Variants in SGPP2 observed in about 807,000 individuals in gnomAD.
SGPP2 encodes the protein sphingosine-1-phosphate phosphatase 2.
In SGPP2, 30 loss-of-function variants were observed where a neutral mutation model predicts 33.9. That is an observed-to-expected ratio of 0.89 (90% CI 0.66 to 1.20). The LOEUF (loss-of-function observed/expected upper bound fraction) is 1.20, where lower values mean the gene tolerates loss of function less well. SGPP2 is among the 50% of genes most tolerant of loss of function. The pLI, the probability that SGPP2 is intolerant of heterozygous loss-of-function variation, is 0.00. For missense variants in SGPP2, 458 were observed against 532.1 expected (o/e 0.86, Z 1.37); for synonymous variants, 233 against 225.0 (o/e 1.04, Z -0.32).
At chr2:222,428,390 CA>C (rs993623293) in intron 1 of SGPP2, among the ~76,000 whole-genome samples, 19 of 152,184 alleles carry the variant, frequency 1.2e-4, no homozygotes, top group African/African-American at 4.6e-4. Context: ...TGATTTCTAA[CA>C]TTTTTGCTTA....
chr2:222,524,917 C>T (rs1698734716), intron 3 of SGPP2, 27 bp from the exon 4 acceptor site: 1 of 1,568,308 alleles, frequency 6.4e-7, no homozygotes, highest in Non-Finnish European at 8.8e-7. Context: ...TGATCTAATT[C>T]CCTTGTTTTT....
intron 4 of SGPP2, among the ~76,000 whole-genome samples, chr2:222,547,946 A>G (rs1215415516): frequency 1.3e-5 from 2 of 152,212 alleles, no homozygotes; most frequent in Non-Finnish European, 2.9e-5. Context: ...TAATGAAGGA[A>G]CTAGTAAGTA....
intron 1 of SGPP2, among the ~76,000 whole-genome samples, chr2:222,459,138 CTTTCTTTTT>C (rs1697618821): frequency 2.6e-4 from 31 of 121,350 alleles, no homozygotes; most frequent in African/African-American, 8.9e-4. Flanking sequence ...TTCTTTCTTT[CTTTCTTTTT>C]TTTTTTTTTT....
chr2:222,503,671 A>G (rs1252434833), intron 2 of SGPP2, among the ~76,000 whole-genome samples: 1 of 152,174 alleles, frequency 6.6e-6, no homozygotes, highest in African/African-American at 2.4e-5. Context: ...TACACAGTGG[A>G]AATTTTCTTG....
chr2:222,469,414 A>C (rs916805953), intron 1 of SGPP2, among the ~76,000 whole-genome samples: 2 of 152,098 alleles, frequency 1.3e-5, no homozygotes, highest in Non-Finnish European at 2.9e-5. Context: ...TGAACTCCTG[A>C]CCTCGTGATC....
At chr2:222,549,539 T>C (rs1418348287) in intron 4 of SGPP2, among the ~76,000 whole-genome samples, 9 of 152,252 alleles carry the variant, frequency 5.9e-5, no homozygotes, top group Admixed American at 5.9e-4. Flanking sequence ...ATGCTTAGGG[T>C]AGCTCTATTA....
chr2:222,535,905 G>A (rs528805209), intron 4 of SGPP2, among the ~76,000 whole-genome samples: 1 of 152,226 alleles, frequency 6.6e-6, no homozygotes, highest in Non-Finnish European at 1.5e-5. Context: ...ATTCCAGCAT[G>A]CTGAGCAGGG....
At chr2:222,445,278 C>G (rs1473591344) in intron 1 of SGPP2, among the ~76,000 whole-genome samples, 1 of 152,204 alleles carries the variant, frequency 6.6e-6, no homozygotes. Flanking sequence ...CATAGCTTTA[C>G]TAGTGGAGCC....
intron 3 of SGPP2, 22 bp from the exon 4 acceptor site, chr2:222,524,922 G>A: frequency 6.3e-7 from 1 of 1,597,128 alleles, no homozygotes. Context: ...TAATTCCCTT[G>A]TTTTTTCTCC....
intron 1 of SGPP2, chr2:222,453,171 G>T: frequency 3.8e-6 from 3 of 782,708 alleles, no homozygotes; most frequent in Non-Finnish European, 7.1e-6. Flanking sequence ...AGGCATCTCA[G>T]CAGGAGACAT....
intron 2 of SGPP2, among the ~76,000 whole-genome samples, chr2:222,492,573 T>C (rs1004033615): frequency 7.2e-5 from 11 of 152,370 alleles, no homozygotes; most frequent in Middle Eastern, 3.4e-3. Context: ...TTTTTCCTCC[T>C]AGGCCTCTGG....
chr2:222,546,042 A>G lies in SGPP2; in HGVS notation c.649-12305A>G, dbSNP rs141319262. 2.9e-3 allele frequency among the ~76,000 whole-genome samples: 444 copies of G among 152,332 alleles called. 1 individual carries two copies. The highest frequency in any genetic ancestry group is 0.01 in the African/African-American group (419 of 41,572). ...TCTGGAACTTCATTTCAATTTCAAAACACTGCTAAGGTCTGTGTTTACGTA... is the reference window on the plus strand; with the variant it reads ...TCTGGAACTTCATTTCAATTTCAAAGCACTGCTAAGGTCTGTGTTTACGTA... On this transcript the variant is annotated intron_variant, in intron 4 of 4. Coordinates refer to ENST00000321276, the MANE Select transcript of SGPP2 (RefSeq NM_152386.4).
intron 4 of SGPP2, among the ~76,000 whole-genome samples, chr2:222,538,813 CTT>C (rs1186595844): frequency 1.3e-5 from 2 of 152,146 alleles, no homozygotes; most frequent in African/African-American, 4.8e-5. Context: ...CGTGAGAACT[CTT>C]ATCACTAGAA....
intron 2 of SGPP2, among the ~76,000 whole-genome samples, chr2:222,513,769 G>A (rs1698564500): frequency 6.6e-6 from 1 of 152,116 alleles, no homozygotes; most frequent in African/African-American, 2.4e-5. Context: ...GTGGCCACAG[G>A]TCAAAGAGTA....
chr2:222,533,710 A>G (rs1365287947), intron 4 of SGPP2, among the ~76,000 whole-genome samples: 7 of 151,644 alleles, frequency 4.6e-5, no homozygotes, highest in African/African-American at 1.5e-4. Context: ...CACCACTCTT[A>G]CCCAAGCTTA....
intron 4 of SGPP2, among the ~76,000 whole-genome samples, chr2:222,539,259 C>T (rs1280187464): frequency 6.6e-6 from 1 of 152,176 alleles, no homozygotes; most frequent in East Asian, 1.9e-4. Flanking sequence ...GTCCAAAACC[C>T]ATCAGGGCAG....
At chr2:222,523,692 A>G (rs1453784110) in intron 3 of SGPP2, among the ~76,000 whole-genome samples, 1 of 151,122 alleles carries the variant, frequency 6.6e-6, no homozygotes, top group Admixed American at 6.6e-5. Context: ...GTTTATTTAT[A>G]TATTATATTT....
chr2:222,548,260 C>T (rs1364269539), intron 4 of SGPP2, among the ~76,000 whole-genome samples: 1 of 152,128 alleles, frequency 6.6e-6, no homozygotes, highest in East Asian at 1.9e-4. Flanking sequence ...CAGGTTTTAC[C>T]TTCTGTCTAT....
chr2:222,445,918 G>T (rs780666035), intron 1 of SGPP2, among the ~76,000 whole-genome samples: 31 of 152,306 alleles, frequency 2.0e-4, no homozygotes, highest in Non-Finnish European at 4.1e-4. Flanking sequence ...AGAATGTAAA[G>T]GGTTCAGATT....
Sources: gnomAD v4.1 joint callset for allele counts (sites outside exome capture counted in the v4.1 genomes callset) on GRCh38, gnomAD v4.1.1 for gene constraint, MANE v1.5 for transcripts, NCBI Gene and HGNC (gene_info 2026-07-23, HGNC 2026-07-21) for gene names.